DUSP10: variants seen among roughly 807,000 people sequenced by gnomAD.
DUSP10 encodes the protein dual specificity phosphatase 10.
In DUSP10, 14 loss-of-function variants were observed where a neutral mutation model predicts 30.8. The ratio of observed to expected loss-of-function variants is 0.46; its 90% CI spans 0.30 to 0.71. The LOEUF is 0.71. Among genes scored for constraint, DUSP10 ranks in the 30% least tolerant of loss-of-function variants. The pLI is 0.08. For synonymous variants in DUSP10, 254 were observed against 250.4 expected (o/e 1.01, Z -0.14); for missense variants, 550 against 619.4 (o/e 0.89, Z 1.19).
intron 3 of DUSP10, among the ~76,000 whole-genome samples, chr1:221,705,475 T>TA (rs1660731252): frequency 6.6e-6 from 1 of 152,216 alleles, no homozygotes; most frequent in African/African-American, 2.4e-5. Flanking sequence ...AGGATTAGGC[T>TA]AATAGTTGCT....
At chr1:221,739,856 C>T (rs375150215) in intron 1 of DUSP10, 69 bp from the exon 2 acceptor site, 3 of 1,427,914 alleles carry the variant, frequency 2.1e-6, no homozygotes, top group Non-Finnish European at 9.2e-7. Context: ...TCATCCAATC[C>T]CTGGGAAAGA....
intron 2 of DUSP10, among the ~76,000 whole-genome samples, chr1:221,714,500 C>T (rs919271281): frequency 6.6e-6 from 1 of 152,096 alleles, no homozygotes; most frequent in East Asian, 1.9e-4. Flanking sequence ...GACAAGATGG[C>T]GCCAGGCAAG....
At chr1:221,734,179 A>G (rs1365334726) in intron 2 of DUSP10, among the ~76,000 whole-genome samples, 1 of 152,244 alleles carries the variant, frequency 6.6e-6, no homozygotes, top group Non-Finnish European at 1.5e-5. Flanking sequence ...GAGGCAACAA[A>G]AAGCAAAGCT....
Position 221,706,358 on chromosome 1 carries a change from A to G in DUSP10, c.920T>C (p.Leu307Pro), listed in dbSNP as rs1277584301. Residue 307 changes from leucine to proline, a missense_variant, in exon 3 of 4, where the codon CTA (leucine) becomes CCA (proline). Coordinates refer to ENST00000366899, the MANE Select transcript of DUSP10 (RefSeq NM_007207.6). The surrounding 1 kb of genome is among the most constrained non-coding windows in gnomAD (Gnocchi z 4.6). Reference sequence around the variant, plus strand: ...AGGGGTGGTGGGGATGGGCTGAGGTAGCAAGCTCGAGGCCGCGGATGCGCC... The same window carrying G: ...AGGGGTGGTGGGGATGGGCTGAGGTGGCAAGCTCGAGGCCGCGGATGCGCC... ...GGGASAASSLLPQPIPTTPDI... is the reference protein window; with the variant it reads ...GGGASAASSLPPQPIPTTPDI... 1 of 1,604,850 alleles carries G rather than the reference A, an allele frequency of 6.2e-7. No individual in the cohort carries two copies. The highest frequency in any genetic ancestry group is 8.5e-7 in the Non-Finnish European group (1 of 1,173,332).
chr1:221,737,298 T>C, intron 2 of DUSP10: 1 of 985,456 alleles, frequency 1.0e-6, no homozygotes, highest in Non-Finnish European at 1.2e-6. Context: ...GAGATCATCA[T>C]GATCATTGGC....
At chr1:221,708,860 G>A (rs1660847340) in intron 2 of DUSP10, among the ~76,000 whole-genome samples, 4 of 151,968 alleles carry the variant, frequency 2.6e-5, no homozygotes. Context: ...CTTCAAAAAA[G>A]GCAGTTGTTA....
Position 221,712,777 on chromosome 1 carries a change from CAAA to C in DUSP10, c.812-6314_812-6312del, listed in dbSNP as rs58249338. Among the ~76,000 whole-genome samples the C allele has an allele frequency of 5.4e-4, 31 of 56,926 alleles. No individual in the cohort carries two copies. In the South Asian group the frequency reaches 0.01, roughly 19 times the overall value. 37.3% of individuals were successfully genotyped at this position (56,926 alleles called of 152,430 possible). On this transcript the variant is annotated intron_variant, in intron 2 of 3. Coordinates refer to ENST00000366899, the MANE Select transcript of DUSP10 (RefSeq NM_007207.6). ...AGACAGTGGATGATATATAAAGCAG[CAAA>C]AAAAAAAAAAAAAAAAAAAAGAGCT...
At chr1:221,707,103 C>T (rs1660793327) in intron 2 of DUSP10, among the ~76,000 whole-genome samples, 1 of 152,196 alleles carries the variant, frequency 6.6e-6, no homozygotes, top group Non-Finnish European at 1.5e-5. Flanking sequence ...TGGTGTCTCC[C>T]TTTGAGTGCA....
intron 2 of DUSP10, 42 bp downstream of exon 2, chr1:221,738,892 G>C: frequency 6.5e-7 from 1 of 1,544,732 alleles, no homozygotes; most frequent in Non-Finnish European, 8.7e-7. Flanking sequence ...AAGTGAACCC[G>C]GCTAATCAGG....
At chr1:221,703,388 A>G (rs1660666115) in intron 3 of DUSP10, among the ~76,000 whole-genome samples, 1 of 152,204 alleles carries the variant, frequency 6.6e-6, no homozygotes, top group South Asian at 2.1e-4. Flanking sequence ...CATTAAATGG[A>G]TAAGAGTTTT....
intron 2 of DUSP10, among the ~76,000 whole-genome samples, chr1:221,724,007 T>C (rs555782321): frequency 1.3e-5 from 2 of 152,224 alleles, no homozygotes; most frequent in African/African-American, 4.8e-5. Flanking sequence ...CGCATTAACA[T>C]AAACACAGGT....
chr1:221,708,594 AT>A (rs1660835884), intron 2 of DUSP10, among the ~76,000 whole-genome samples: 1 of 152,220 alleles, frequency 6.6e-6, no homozygotes, highest in African/African-American at 2.4e-5. Context: ...GCCCTTACAT[AT>A]GATAGTTTAT....
intron 2 of DUSP10, chr1:221,737,082 A>G: frequency 2.0e-6 from 2 of 985,412 alleles, no homozygotes; most frequent in Non-Finnish European, 2.4e-6. Context: ...CACCCAGGAG[A>G]TTCATTTCTC....
At position 221,706,971 on chromosome 1, in the gene DUSP10, G is replaced by C. The variant is rs183170610; in HGVS notation, c.812-505C>G. 2.2e-3 allele frequency among the ~76,000 whole-genome samples: 331 copies of C among 152,314 alleles called. 2 individuals are homozygous for C. Among genetic ancestry groups the C allele is most frequent in the Admixed American group, 4.0e-3 (61 of 15,304 alleles). On this transcript the variant is annotated intron_variant, in intron 2 of 3. Coordinates refer to ENST00000366899, the MANE Select transcript of DUSP10 (RefSeq NM_007207.6). This position sits in a 1 kb window ranked among gnomAD's most constrained non-coding sequence, Gnocchi z 4.6. ...TCCCAATACAGCAGAGTGGTTACAA[G>C]CAGGAACATTGGAAGAGACAGGTTA...
At chr1:221,733,601 A>C (rs913664700) in intron 2 of DUSP10, among the ~76,000 whole-genome samples, 3 of 152,258 alleles carry the variant, frequency 2.0e-5, no homozygotes, top group Non-Finnish European at 4.4e-5. Flanking sequence ...ACATTAGTGC[A>C]TGAGAGTAGG....
rs1216101199 is a variant in DUSP10 at position 221,702,988 on chromosome 1, AAC to A, written c.1184-313_1184-312del. Among the ~76,000 whole-genome samples the A allele has an allele frequency of 6.6e-6, 1 of 152,170 alleles. No individual in the cohort carries two copies. The highest frequency in any genetic ancestry group is 1.5e-5 in the Non-Finnish European group (1 of 68,032). On this transcript the variant is annotated intron_variant, in intron 3 of 3. Coordinates refer to ENST00000366899, the MANE Select transcript of DUSP10 (RefSeq NM_007207.6). This position sits in a 1 kb window ranked among gnomAD's most constrained non-coding sequence, Gnocchi z 4.5. ...AGCAGTGGCCGGAAGCCAGACCTATAACACAGTTAACTTTCACGTTGAACAAG... is the reference window on the plus strand; with the variant it reads ...AGCAGTGGCCGGAAGCCAGACCTATAACAGTTAACTTTCACGTTGAACAAG...
intron 2 of DUSP10, chr1:221,711,888 C>G (rs1660947068): frequency 6.6e-6 from 1 of 152,190 alleles, no homozygotes; most frequent in African/African-American, 2.4e-5. Context: ...TCTATAAGCA[C>G]AAGAATCTGT....
intron 2 of DUSP10, chr1:221,737,551 G>A: frequency 1.4e-6 from 1 of 732,488 alleles, no homozygotes; most frequent in Non-Finnish European, 1.7e-6. Flanking sequence ...CCACGACCAG[G>A]AAATGTCTAG....
In DUSP10 at chr1:221,739,547, G is replaced by C. The variant is rs774046325; in HGVS notation, c.198C>G (p.Gly66=). ...ANLTYMPSSS[G]SARSLNCGCS... is the part of the protein sequence containing the mutation. The stretch of plus-strand genomic sequence containing the variant: ...ATCCACAATTCAGCGAGCGGGCAGA[G>C]CCGCTGGATGAGGGCATATACGTCA... Residue 66 remains glycine (G), a synonymous_variant, in exon 2 of 4, where the codon GGC becomes GGG. Transcript: ENST00000366899. 4 of 1,614,210 alleles carry C rather than the reference G, an allele frequency of 2.5e-6. No homozygotes were observed. The Admixed American group carries it at 5.0e-5, about 20-fold the overall frequency.
Sources: allele counts gnomAD v4.1 joint callset (sites outside exome capture counted in the v4.1 genomes callset), GRCh38; gene constraint gnomAD v4.1.1; non-coding constraint Gnocchi (gnomAD v3.1); transcripts MANE v1.5; gene names NCBI Gene and HGNC (gene_info 2026-07-23, HGNC 2026-07-21).